Variants in TSN observed in about 807,000 individuals in gnomAD.
TSN encodes component 3 of promoter of RISC.
TSN carries 5 observed loss-of-function variants against 29.4 expected under a neutral mutation model. That is an observed-to-expected ratio of 0.17 (90% CI 0.09 to 0.36). TSN has a LOEUF of 0.36. Among genes scored for constraint, TSN ranks in the 10% least tolerant of loss-of-function variants. The probability of loss-of-function intolerance (pLI) is 1.00; values close to 1 mark genes in which losing one functional copy is unlikely to be tolerated. For synonymous variants in TSN, 106 were observed against 102.2 expected (o/e 1.04, Z -0.23); for missense variants, 159 against 272.8 (o/e 0.58, Z 2.94).
At chr2:121,757,119 G>A (rs1227276158) in intron 1 of TSN, 121 bp from the exon 2 acceptor site, 2 of 882,066 alleles carry the variant, frequency 2.3e-6, no homozygotes, top group Admixed American at 2.8e-5. Flanking sequence ...GAGGAAATAA[G>A]TGGAAAAGTC....
chr2:121,755,721 C>G lies in TSN; in HGVS notation c.-59C>G, dbSNP rs978490538. On this transcript the variant is annotated 5_prime_UTR_variant, in exon 1 of 6. Transcript: ENST00000389682. ...TGCGATTGATTGCGCTGGTTGCCTG[C>G]GGCGTCCACTTCCTTGGCCGCCCTT... The G allele has an allele frequency of 1.2e-6, 2 of 1,600,014 alleles. No individual in the cohort carries two copies. Among genetic ancestry groups the G allele is most frequent in the East Asian group, 2.2e-5 (1 of 44,802 alleles).
Position 121,762,626 on chromosome 2 carries a change from A to G in TSN, c.374-379A>G, listed in dbSNP as rs529902329. Among the ~76,000 whole-genome samples, 6 of 152,342 alleles carry G rather than the reference A, an allele frequency of 3.9e-5. No homozygotes were observed. The South Asian group carries it at 1.2e-3, about 32-fold the overall frequency. ...ACCTGTTTACATGCCACTTAGATTT[A>G]CCACTTGTTAACATTTTGCTACATC... On this transcript the variant is annotated intron_variant, in intron 4 of 5. Transcript: ENST00000389682.
intron 3 of TSN, among the ~76,000 whole-genome samples, chr2:121,759,100 G>A (rs2074787111): frequency 1.3e-5 from 2 of 152,222 alleles, no homozygotes; most frequent in African/African-American, 2.4e-5. Flanking sequence ...CAAGTTTCTT[G>A]TGAAATTGGA....
intron 5 of TSN, among the ~76,000 whole-genome samples, chr2:121,763,404 C>T (rs1300913579): frequency 1.3e-5 from 2 of 152,162 alleles, no homozygotes; most frequent in African/African-American, 2.4e-5. Flanking sequence ...CTTGGCCTCC[C>T]AGAGTGCTGG....
intron 4 of TSN, 32 bp from the exon 5 acceptor site, chr2:121,762,973 A>C (rs1259527312): frequency 6.4e-7 from 1 of 1,567,834 alleles, no homozygotes; most frequent in South Asian, 1.2e-5. Context: ...ACTTGCATTC[A>C]CAGCATGACT....
chr2:121,756,934 A>G (rs910780310), intron 1 of TSN, among the ~76,000 whole-genome samples: 1 of 151,862 alleles, frequency 6.6e-6, no homozygotes, highest in African/African-American at 2.4e-5. Context: ...AAGAAAAAAG[A>G]ATTAGAAATA....
intron 2 of TSN, 47 bp downstream of exon 2, chr2:121,757,380 G>A (rs775508526): frequency 7.0e-5 from 113 of 1,612,306 alleles, no homozygotes; most frequent in Non-Finnish European, 8.7e-5. Flanking sequence ...TATTTAGAGG[G>A]AGAGTTTCTA....
Position 121,765,432 on chromosome 2 carries a change from G to A in TSN, c.*65G>A, listed in dbSNP as rs1472779970. On this transcript the variant is annotated 3_prime_UTR_variant, in exon 6 of 6. Transcript: ENST00000389682. ...TGCCAGGAAGGGGTGAGCACAGAGTGCCTCTTACGGTAGTTAGGATGCTCA... is the reference window on the plus strand; with the variant it reads ...TGCCAGGAAGGGGTGAGCACAGAGTACCTCTTACGGTAGTTAGGATGCTCA... 6.2e-6 allele frequency: 9 copies of A among 1,447,476 alleles called. No homozygotes were observed. The highest frequency in any genetic ancestry group is 8.7e-6 in the Non-Finnish European group (9 of 1,035,722). 89.7% of individuals were successfully genotyped at this position (1,447,476 alleles called of 1,614,324 possible). A position where few individuals can be genotyped will look rare whatever the true frequency, so the allele number is the denominator to read the frequency against.
At chr2:121,761,810 T>C (rs536256956) in intron 4 of TSN, among the ~76,000 whole-genome samples, 25 of 149,332 alleles carry the variant, frequency 1.7e-4, no homozygotes, top group South Asian at 8.4e-4. Flanking sequence ...TAATACAGTA[T>C]AAGTGCTATG....
chr2:121,756,419 G>GCCAA (rs1419990302), intron 1 of TSN: 2 of 255,958 alleles, frequency 7.8e-6, no homozygotes, highest in Non-Finnish European at 1.7e-5. Flanking sequence ...TGGCGTCACA[G>GCCAA]TCTAAGCGAT....
chr2:121,759,066 G>T (rs888443766), intron 3 of TSN, among the ~76,000 whole-genome samples: 5 of 152,308 alleles, frequency 3.3e-5, no homozygotes, highest in South Asian at 2.1e-4. Flanking sequence ...AGGGTCAAAA[G>T]TGAGAATATC....
At position 121,758,762 on chromosome 2, in the gene TSN, T is replaced by C; in HGVS notation, c.213T>C (p.His71=). ...AREHFGTVKT[H]LTSLKTKFPA... is the part of the protein sequence containing the mutation. Reference sequence around the variant, plus strand: ...AACATTTTGGTACAGTAAAAACACATCTAACATCTTTGAAGACCAAATTTC... The same window carrying C: ...AACATTTTGGTACAGTAAAAACACACCTAACATCTTTGAAGACCAAATTTC... Residue 71 remains histidine (H), a synonymous_variant, in exon 3 of 6, where the codon CAT becomes CAC. Coordinates refer to ENST00000389682, the MANE Select transcript of TSN (RefSeq NM_004622.3). 2 of 1,595,896 alleles carry C rather than the reference T, an allele frequency of 1.3e-6. No individual in the cohort carries two copies. The highest frequency in any genetic ancestry group is 1.7e-6 in the Non-Finnish European group (2 of 1,172,580).
chr2:121,760,029 G>A lies in TSN; in HGVS notation c.257+1223G>A, dbSNP rs182740460. ...TAAGGCAGGGGTTCCCAACCCCCAG[G>A]CCATGGACTGGTACTGGTCTGTGGC... On this transcript the variant is annotated intron_variant, in intron 3 of 5. Transcript: ENST00000389682. 1.6e-4 allele frequency among the ~76,000 whole-genome samples: 24 copies of A among 152,338 alleles called. No individual in the cohort carries two copies. In the East Asian group the frequency reaches 4.4e-3, roughly 28 times the overall value.
At position 121,766,873 on chromosome 2, in the gene TSN, G is replaced by A. The variant is rs1397207491; in HGVS notation, c.*1506G>A. On this transcript the variant is annotated 3_prime_UTR_variant, in exon 6 of 6. Transcript: ENST00000389682. ...GGCTGACTACATTTTTTCATCATGA[G>A]GAAAGCAGTTGAAATGAGGCATGAG... The A allele has an allele frequency of 6.6e-6, 1 of 152,150 alleles. No homozygotes were observed. The highest frequency in any genetic ancestry group is 2.4e-5 in the African/African-American group (1 of 41,440). 9.4% of individuals were successfully genotyped at this position (152,150 alleles called of 1,614,324 possible).
Position 121,765,241 on chromosome 2 carries a change from A to G in TSN, c.561A>G (p.Lys187=), listed in dbSNP as rs2074887377. ...CCGGTTTTCGCCTTCTCAACCTGAA[A>G]AATGACTCCCTGAGGAAGCGCTACG... ...LDSGFRLLNL[K]NDSLRKRYDG... Residue 187 remains lysine (K), a synonymous_variant, in exon 6 of 6, where the codon AAA becomes AAG. Transcript: ENST00000389682. The G allele has an allele frequency of 6.2e-7, 1 of 1,614,094 alleles. No homozygotes were observed. Among genetic ancestry groups the G allele is most frequent in the Non-Finnish European group, 8.5e-7 (1 of 1,180,044 alleles).
chr2:121,760,557 A>G (rs1256050430), intron 3 of TSN, among the ~76,000 whole-genome samples: 1 of 152,136 alleles, frequency 6.6e-6, no homozygotes, highest in African/African-American at 2.4e-5. Context: ...GCCACATTTG[A>G]GAATCAGGAG....
intron 2 of TSN, among the ~76,000 whole-genome samples, chr2:121,757,999 A>G (rs1352285911): frequency 6.6e-6 from 1 of 151,324 alleles, no homozygotes; most frequent in African/African-American, 2.4e-5. Flanking sequence ...TTATCTAGTG[A>G]CTTTTATTTG....
chr2:121,767,157 A>G lies in TSN; in HGVS notation c.*1790A>G, dbSNP rs1407128040. 1 of 152,234 alleles carries G rather than the reference A, an allele frequency of 6.6e-6. No individual in the cohort carries two copies. Among genetic ancestry groups the G allele is most frequent in the African/African-American group, 2.4e-5 (1 of 41,464 alleles). The allele number at this position is 152,234 out of a possible 1,614,324, so 9.4% of individuals were successfully genotyped here. On this transcript the variant is annotated 3_prime_UTR_variant, in exon 6 of 6. Transcript: ENST00000389682. Reference sequence around the variant, plus strand: ...AAGTTGTGGATTTCAGTTTTAACAAATGCTATTAAAGTGGAGAAGCACACT... The same window carrying G: ...AAGTTGTGGATTTCAGTTTTAACAAGTGCTATTAAAGTGGAGAAGCACACT...
intron 3 of TSN, among the ~76,000 whole-genome samples, chr2:121,761,114 A>C (rs575224552): frequency 6.6e-6 from 1 of 151,856 alleles, no homozygotes; most frequent in Non-Finnish European, 1.5e-5. Flanking sequence ...AGATTGATCA[A>C]CCTGCCTCTG....
Sources: allele counts gnomAD v4.1 joint callset (sites outside exome capture counted in the v4.1 genomes callset), GRCh38; gene constraint gnomAD v4.1.1; transcripts MANE v1.5; gene names NCBI Gene and HGNC (gene_info 2026-07-23, HGNC 2026-07-21).